Variants in MTHFD1L observed in about 807,000 individuals in gnomAD.
MTHFD1L encodes the protein methylenetetrahydrofolate dehydrogenase (NADP+ dependent) 1 like, also known as monofunctional C1-tetrahydrofolate synthase, mitochondrial.
Under a neutral mutation model 119.5 loss-of-function variants are expected in MTHFD1L, and 81 were observed. That is an observed-to-expected ratio of 0.68 (90% CI 0.57 to 0.82). The LOEUF is 0.82. Ranked by LOEUF, MTHFD1L falls within the 40% of genes least tolerant of loss-of-function variation. The pLI is 0.00. For synonymous variants in MTHFD1L, 430 were observed against 475.2 expected, an observed-to-expected ratio of 0.90 and a Z score of 1.24; for missense variants, 1,125 against 1,253.4, an observed-to-expected ratio of 0.90 and a Z score of 1.55.
chr6:151,021,275 T>TA (rs1319814103), intron 24 of MTHFD1L, among the ~76,000 whole-genome samples: 1 of 151,764 alleles, frequency 6.6e-6, no homozygotes, highest in Non-Finnish European at 1.5e-5. Flanking sequence ...AGGCCAGGAG[T>TA]GGTGGCTCTC....
intron 26 of MTHFD1L, 115 bp downstream of exon 26, chr6:151,037,232 T>G (rs979252985): frequency 4.5e-6 from 5 of 1,102,210 alleles, no homozygotes; most frequent in Non-Finnish European, 6.7e-6. Context: ...TTGGGAGTAA[T>G]TAATAGTACA....
At chr6:150,935,041 T>G in intron 11 of MTHFD1L, 1 of 1,612,872 alleles carries the variant, frequency 6.2e-7, no homozygotes, top group Non-Finnish European at 8.5e-7. Flanking sequence ...ACATTGTTAT[T>G]CTGGGTTTGG....
chr6:151,092,114 C>G (rs1427754694), intron 26 of MTHFD1L, among the ~76,000 whole-genome samples: 1 of 152,112 alleles, frequency 6.6e-6, no homozygotes, highest in Non-Finnish European at 1.5e-5. Flanking sequence ...CCTGCCCACA[C>G]CTGCTGCCCC....
chr6:150,946,442 G>A (rs768041007), intron 15 of MTHFD1L, among the ~76,000 whole-genome samples: 3 of 152,166 alleles, frequency 2.0e-5, no homozygotes, highest in South Asian at 4.1e-4. Context: ...GAGCTACTGC[G>A]CCCAGCCTCA....
intron 26 of MTHFD1L, among the ~76,000 whole-genome samples, chr6:151,082,070 T>A (rs1793245293): frequency 6.6e-6 from 1 of 152,234 alleles, no homozygotes; most frequent in Non-Finnish European, 1.5e-5. Context: ...AGAATTTAAT[T>A]ACTTAATTTT....
At chr6:150,914,260 G>A (rs1246273027) in intron 8 of MTHFD1L, among the ~76,000 whole-genome samples, 2 of 152,040 alleles carry the variant, frequency 1.3e-5, no homozygotes, top group East Asian at 1.9e-4. Flanking sequence ...TGGTGCCACT[G>A]TACTCCAGCC....
intron 1 of MTHFD1L, 157 bp downstream of exon 1, chr6:150,866,206 G>T: frequency 7.3e-7 from 1 of 1,368,702 alleles, no homozygotes; most frequent in South Asian, 1.5e-5. Flanking sequence ...GGAAACGCGG[G>T]CTTGGGCACT....
At chr6:150,877,175 C>G (rs1780584664) in intron 2 of MTHFD1L, among the ~76,000 whole-genome samples, 1 of 152,166 alleles carries the variant, frequency 6.6e-6, no homozygotes, top group African/African-American at 2.4e-5. Context: ...ACCTCAGCCT[C>G]CTGAGTAGCT....
intron 19 of MTHFD1L, among the ~76,000 whole-genome samples, chr6:150,967,337 G>A (rs1797358740): frequency 6.6e-6 from 1 of 152,182 alleles, no homozygotes; most frequent in African/African-American, 2.4e-5. Context: ...TCTGGCGTCT[G>A]GGGTCCCCCC....
chr6:150,879,709 A>T (rs1781087797), intron 4 of MTHFD1L, among the ~76,000 whole-genome samples: 1 of 140,104 alleles, frequency 7.1e-6, no homozygotes, highest in Non-Finnish European at 1.5e-5. Flanking sequence ...CTCTCACTGC[A>T]ACTTCCACCT....
intron 20 of MTHFD1L, among the ~76,000 whole-genome samples, chr6:150,993,786 G>T (rs557805250): frequency 6.6e-5 from 10 of 152,098 alleles, no homozygotes; most frequent in Non-Finnish European, 1.5e-4. Context: ...TAGCTTGGGG[G>T]TGTCAATTAA....
intron 22 of MTHFD1L, among the ~76,000 whole-genome samples, chr6:151,014,142 G>A (rs1296124015): frequency 1.3e-5 from 2 of 152,200 alleles, no homozygotes; most frequent in Non-Finnish European, 2.9e-5. Context: ...GGGAGGCAGA[G>A]GTTGCAGTGA....
intron 10 of MTHFD1L, among the ~76,000 whole-genome samples, chr6:150,924,966 T>C (rs898022624): frequency 3.3e-5 from 5 of 152,178 alleles, no homozygotes; most frequent in African/African-American, 9.7e-5. Flanking sequence ...TCCTAGTTTC[T>C]CTGGTGCCCT....
chr6:150,985,472 G>A (rs777883749), intron 20 of MTHFD1L, among the ~76,000 whole-genome samples: 4 of 151,872 alleles, frequency 2.6e-5, no homozygotes, highest in African/African-American at 7.3e-5. Flanking sequence ...GACCAGCTTG[G>A]CCAACATGAT....
chr6:150,945,575 A>T (rs1427676854), intron 15 of MTHFD1L, 34 bp downstream of exon 15: 1 of 1,588,816 alleles, frequency 6.3e-7, no homozygotes. Context: ...TTAAAAAGAA[A>T]ATATCGTAGA....
intron 19 of MTHFD1L, among the ~76,000 whole-genome samples, chr6:150,965,484 C>A (rs1259632775): frequency 6.6e-6 from 1 of 151,914 alleles, no homozygotes; most frequent in Non-Finnish European, 1.5e-5. Flanking sequence ...TATGGTGAAA[C>A]CCCATCTCTA....
intron 5 of MTHFD1L, among the ~76,000 whole-genome samples, chr6:150,883,603 A>T (rs1408087667): frequency 6.6e-6 from 1 of 152,168 alleles, no homozygotes; most frequent in East Asian, 1.9e-4. Flanking sequence ...AGCAAAATAA[A>T]TACTTTTCTT....
At chr6:150,947,816 C>T (rs1369492616) in intron 15 of MTHFD1L, among the ~76,000 whole-genome samples, 1 of 152,158 alleles carries the variant, frequency 6.6e-6, no homozygotes, top group Non-Finnish European at 1.5e-5. Flanking sequence ...CAGCCAGCAG[C>T]AGGCACAAGT....
chr6:151,023,606 G>C (rs1784256582), intron 24 of MTHFD1L, among the ~76,000 whole-genome samples: 1 of 152,048 alleles, frequency 6.6e-6, no homozygotes, highest in Non-Finnish European at 1.5e-5. Flanking sequence ...GCTTGCCCCA[G>C]CTTTCTTTCC....
Sources: allele counts gnomAD v4.1 joint callset (sites outside exome capture counted in the v4.1 genomes callset), GRCh38; gene constraint gnomAD v4.1.1; transcripts MANE v1.5; gene names NCBI Gene and HGNC (gene_info 2026-07-23, HGNC 2026-07-21).